Variants in MYOM2 observed in about 807,000 individuals in gnomAD.
MYOM2 encodes the protein myomesin-2.
In MYOM2, 254 loss-of-function variants were observed where a neutral mutation model predicts 187.6. That is an observed-to-expected ratio of 1.35 (90% CI 1.22 to 1.50). MYOM2 has a LOEUF of 1.50. Among genes scored for constraint, MYOM2 ranks in the 40% most tolerant of loss-of-function variants. The pLI, the probability that MYOM2 is intolerant of heterozygous loss-of-function variation, is 0.00. For missense variants in MYOM2, 2,796 were observed against 1,924.0 expected, an observed-to-expected ratio of 1.45 and a Z score of -8.48; for synonymous variants, 981 against 753.8, an observed-to-expected ratio of 1.30 and a Z score of -4.94.
chr8:2,078,399 A>C (rs1206413011), intron 11 of MYOM2, among the ~76,000 whole-genome samples: 3 of 152,172 alleles, frequency 2.0e-5, no homozygotes, highest in African/African-American at 7.2e-5. Context: ...TCGGAACAAG[A>C]ACTGTTCAGG....
chr8:2,078,634 C>T, intron 11 of MYOM2, 100 bp from the exon 12 acceptor site: 1 of 1,062,672 alleles, frequency 9.4e-7, no homozygotes, highest in South Asian at 1.4e-5. Context: ...GAGATATTGT[C>T]CTGTTATAAT....
intron 28 of MYOM2, 93 bp from the exon 29 acceptor site, chr8:2,123,157 AGG>A (rs79851298): frequency 2.6e-6 from 2 of 765,250 alleles, no homozygotes; most frequent in Non-Finnish European, 4.1e-6. Context: ...AGGTTTTTTG[AGG>A]GGGGGGCTCT....
chr8:2,062,909 A>T (rs1192293316), intron 6 of MYOM2, among the ~76,000 whole-genome samples: 1 of 152,182 alleles, frequency 6.6e-6, no homozygotes, highest in Admixed American at 6.5e-5. Flanking sequence ...CAACATTTAA[A>T]CTTTACATTG....
rs1319020358 is a variant in MYOM2 at position 2,073,362 on chromosome 8, T to A, written c.982T>A (p.Trp328Arg). ...AGACGTGCTGTTGAAAGAGTCCAAG[T>A]GGACGAAGATGTTCTTTGGAGAAGG... ...RDDVLLKESKWTKMFFGEGQA... is the reference protein window; with the variant it reads ...RDDVLLKESKRTKMFFGEGQA... The change falls in exon 10 of 37, where the codon TGG becomes AGG. Residue 328 changes from tryptophan (W) to arginine (R), a missense_variant. By Grantham distance (101) the Trp-to-Arg change is moderately radical (BLOSUM62 -3). Transcript: ENST00000262113. 2 of 1,611,722 alleles carry A rather than the reference T, an allele frequency of 1.2e-6. No individual in the cohort carries two copies. The highest frequency in any genetic ancestry group is 3.4e-5 in the Admixed American group (2 of 59,648).
chr8:2,109,380 C>A lies in MYOM2; in HGVS notation c.3044-15C>A. On this transcript the variant is annotated splice_polypyrimidine_tract_variant and intron_variant, in intron 24 of 36. Transcript: ENST00000262113. ...TTCATGCATTATTGACTTGCGATTTCTTTTCTTCCTGTAGCAATTCCTCTG... is the reference window on the plus strand; with the variant it reads ...TTCATGCATTATTGACTTGCGATTTATTTTCTTCCTGTAGCAATTCCTCTG... 1.9e-6 allele frequency: 3 copies of A among 1,590,876 alleles called. No homozygotes were observed. Among genetic ancestry groups the A allele is most frequent in the Non-Finnish European group, 2.6e-6 (3 of 1,169,830 alleles).
chr8:2,131,862 C>G (rs909126922), intron 32 of MYOM2, among the ~76,000 whole-genome samples: 2 of 152,180 alleles, frequency 1.3e-5, no homozygotes, highest in Admixed American at 6.5e-5. Context: ...CCAGGATGGC[C>G]TCAATCTCCT....
chr8:2,058,821 A>C (rs1421606500), intron 5 of MYOM2, among the ~76,000 whole-genome samples: 1 of 152,204 alleles, frequency 6.6e-6, no homozygotes, highest in African/African-American at 2.4e-5. Context: ...CACTAGCTAC[A>C]CTGCAGCTTA....
At chr8:2,046,128 A>G (rs1200807194) in intron 1 of MYOM2, among the ~76,000 whole-genome samples, 4 of 152,188 alleles carry the variant, frequency 2.6e-5, no homozygotes, top group African/African-American at 9.6e-5. Context: ...GAAAGCTTTA[A>G]TTTGGTGTAT....
chr8:2,101,466 A>G (rs567953346), intron 20 of MYOM2, among the ~76,000 whole-genome samples: 1 of 152,354 alleles, frequency 6.6e-6, no homozygotes, highest in Admixed American at 6.5e-5. Context: ...TGCGCAAGCC[A>G]GCACCGAGCC....
chr8:2,129,417 G>T (rs1269366596), intron 32 of MYOM2, among the ~76,000 whole-genome samples, 185 bp downstream of exon 32: 1 of 152,186 alleles, frequency 6.6e-6, no homozygotes, highest in African/African-American at 2.4e-5. Flanking sequence ...TGGGGAGGAC[G>T]TGGAAGAAGG....
At chr8:2,118,037 G>A (rs1256970690) in intron 28 of MYOM2, 85 bp downstream of exon 28, 7 of 1,195,692 alleles carry the variant, frequency 5.9e-6, no homozygotes, top group Non-Finnish European at 8.5e-6. Context: ...GCTGTGGCCA[G>A]ATCTGTGATG....
At chr8:2,058,178 C>T (rs1818738241) in intron 5 of MYOM2, among the ~76,000 whole-genome samples, 1 of 151,908 alleles carries the variant, frequency 6.6e-6, no homozygotes, top group African/African-American at 2.4e-5. Flanking sequence ...GCCACCACGC[C>T]TGGCTAATTT....
chr8:2,045,752 C>A (rs547516871), intron 1 of MYOM2, among the ~76,000 whole-genome samples: 74 of 152,296 alleles, frequency 4.9e-4, no homozygotes, highest in African/African-American at 1.6e-3. Flanking sequence ...TGTGTTGTGA[C>A]CCTTCAGACT....
chr8:2,072,696 C>G (rs941768297), intron 9 of MYOM2, among the ~76,000 whole-genome samples, 187 bp downstream of exon 9: 2 of 152,214 alleles, frequency 1.3e-5, no homozygotes, highest in African/African-American at 4.8e-5. Context: ...CCAGGAGAAT[C>G]CTGGAGAGGG....
chr8:2,141,618 G>A lies in MYOM2; in HGVS notation c.4001+441G>A, dbSNP rs973691175. Among the ~76,000 whole-genome samples, 7 of 152,296 alleles carry A rather than the reference G, an allele frequency of 4.6e-5. No homozygotes were observed. In the South Asian group the frequency reaches 6.2e-4, roughly 14 times the overall value. The stretch of plus-strand genomic sequence containing the variant: ...GTGTGGAGGAGAGTTTTATTGTGAG[G>A]TTGGAATACCTCTGGTTGGAGGGGA... On this transcript the variant is annotated intron_variant, in intron 34 of 36. Coordinates refer to ENST00000262113, the MANE Select transcript of MYOM2 (RefSeq NM_003970.4).
rs757946357 is a variant in MYOM2, at chr8:2,094,120, G to T, written c.2125+29G>T. ...AGTCACTCACAGGCTGTTGTGTGCC[G>T]ATTGCTCCCATACACTGTCATTTCT... is the stretch of plus-strand genomic sequence containing the variant. On this transcript the variant is annotated intron_variant, in intron 17 of 36. Coordinates refer to ENST00000262113, the MANE Select transcript of MYOM2 (RefSeq NM_003970.4). 28 of 1,612,884 alleles carry T rather than the reference G, an allele frequency of 1.7e-5. No individual in the cohort carries two copies. In the East Asian group the frequency reaches 6.2e-4, roughly 36 times the overall value.
rs921114909 is a variant in MYOM2, at chr8:2,115,382, A to G, written c.3181-578A>G. ...ACCTAAATAGAACACATTCATATGTATCTGTGCATGTACTGTAGAATAAAA... is the reference window on the plus strand; with the variant it reads ...ACCTAAATAGAACACATTCATATGTGTCTGTGCATGTACTGTAGAATAAAA... On this transcript the variant is annotated intron_variant, in intron 25 of 36. Coordinates refer to ENST00000262113, the MANE Select transcript of MYOM2 (RefSeq NM_003970.4). Among the ~76,000 whole-genome samples, 20 of 152,220 alleles carry G rather than the reference A, an allele frequency of 1.3e-4. 2 individuals are homozygous for G. The highest frequency in any genetic ancestry group is 7.7e-4 in the East Asian group (4 of 5,198).
intron 25 of MYOM2, among the ~76,000 whole-genome samples, chr8:2,114,563 C>T (rs891258965): frequency 6.6e-5 from 10 of 152,146 alleles, no homozygotes; most frequent in Non-Finnish European, 1.3e-4. Context: ...CATCCTCTGC[C>T]TCCTGAGTTC....
chr8:2,063,387 A>G (rs1004151509), intron 6 of MYOM2, among the ~76,000 whole-genome samples: 15 of 152,226 alleles, frequency 9.9e-5, no homozygotes, highest in Admixed American at 9.2e-4. Context: ...GTGCTGAAAA[A>G]GAAGCTCCCC....
Sources: allele counts gnomAD v4.1 joint callset (sites outside exome capture counted in the v4.1 genomes callset), GRCh38; gene constraint gnomAD v4.1.1; transcripts MANE v1.5; gene names NCBI Gene and HGNC (gene_info 2026-07-23, HGNC 2026-07-21).